Variants in RNF19B observed in about 807,000 individuals in gnomAD.
RNF19B encodes the protein ring finger protein 19B.
In RNF19B, 23 loss-of-function variants were observed where a neutral mutation model predicts 65.5. That is an observed-to-expected ratio of 0.35 (90% CI 0.25 to 0.50). RNF19B has a LOEUF of 0.50. Ranked by LOEUF, RNF19B falls within the 20% of genes least tolerant of loss-of-function variation. The pLI is 0.98. For missense variants in RNF19B, 794 were observed against 980.0 expected (o/e 0.81, Z 2.53); for synonymous variants, 372 against 379.6 (o/e 0.98, Z 0.23).
chr1:32,951,058 C>T (rs1187174011), intron 1 of RNF19B, among the ~76,000 whole-genome samples: 1 of 151,358 alleles, frequency 6.6e-6, no homozygotes, highest in Non-Finnish European at 1.5e-5. Context: ...AGGATGGTCT[C>T]GATCTCTTGA....
At chr1:32,949,508 G>C in intron 2 of RNF19B, 61 bp downstream of exon 2, 1 of 1,431,498 alleles carries the variant, frequency 7.0e-7, no homozygotes, top group Admixed American at 1.7e-5. Flanking sequence ...ATTTCTTTCA[G>C]CTATGGGCTC....
chr1:32,957,422 C>T (rs552436461), intron 1 of RNF19B, among the ~76,000 whole-genome samples: 1 of 152,206 alleles, frequency 6.6e-6, no homozygotes, highest in East Asian at 1.9e-4. Flanking sequence ...TTCTATCTAT[C>T]TATGTATCAA....
chr1:32,942,259 A>G lies in RNF19B; in HGVS notation c.1603T>C (p.Tyr535His). 2 of 1,605,172 alleles carry G rather than the reference A, an allele frequency of 1.2e-6. No individual in the cohort carries two copies. Among genetic ancestry groups the G allele is most frequent in the Non-Finnish European group, 1.7e-6 (2 of 1,172,674 alleles). Residue 535 changes from tyrosine to histidine, a missense_variant, in exon 7 of 9, where the codon TAT (tyrosine) becomes CAT (histidine). By Grantham distance (83) the Tyr-to-His change is moderately conservative. This residue lies in a region of RNF19B where 368 missense variants were observed against 447.3 expected (regional missense o/e 0.82). Transcript: ENST00000235150. ...GGILSSGKGK[Y>H]SRLEVQADVQ... ...AATTATCTATTTGTTTACCTGCTAT[A>G]TTTTCCCTTGCCACTGGAGAGAATG...
At chr1:32,951,162 A>T (rs1557575698) in intron 1 of RNF19B, among the ~76,000 whole-genome samples, 1 of 152,204 alleles carries the variant, frequency 6.6e-6, no homozygotes, top group Non-Finnish European at 1.5e-5. Context: ...CTTCAAGTAA[A>T]AATTGTTTTA....
intron 1 of RNF19B, among the ~76,000 whole-genome samples, chr1:32,957,359 T>C (rs1570119538): frequency 2.6e-5 from 4 of 152,344 alleles, no homozygotes; most frequent in Middle Eastern, 3.4e-3. Flanking sequence ...CTTTCATCTA[T>C]CTAAGAGCAC....
At chr1:32,932,655 T>C (rs520309), downstream of RNF19B, among the ~76,000 whole-genome samples, 50,231 of 152,012 alleles carry the variant, frequency 0.33, 8,468 homozygotes, top group Admixed American at 0.41. Flanking sequence ...AGTTTCAACC[T>C]TTTTGAAAGC....
intron 1 of RNF19B, among the ~76,000 whole-genome samples, chr1:32,956,044 A>G (rs1642631534): frequency 6.6e-6 from 1 of 152,190 alleles, no homozygotes; most frequent in Admixed American, 6.5e-5. Context: ...AGCCAGGGCA[A>G]CATGGTGAAA....
chr1:32,961,967 AGT>A (rs1311605203), intron 1 of RNF19B, among the ~76,000 whole-genome samples: 1 of 151,808 alleles, frequency 6.6e-6, no homozygotes, highest in East Asian at 1.9e-4. Flanking sequence ...TTAACTATGC[AGT>A]GTTTTGTTTT....
intron 3 of RNF19B, among the ~76,000 whole-genome samples, chr1:32,947,763 T>C (rs145966999): frequency 2.3e-4 from 35 of 152,136 alleles, no homozygotes; most frequent in Non-Finnish European, 3.7e-4. Context: ...ACTTACAGTT[T>C]AGTAAGATAA....
Position 32,937,153 on chromosome 1 carries a change from T to C in RNF19B, c.1849A>G (p.Met617Val). ...TEDSLHVHAQ[M>V]AENEEEGSGG... is the part of the protein sequence containing the mutation. Reference sequence around the variant, plus strand: ...CTACCTTCTTCTTCATTCTCTGCCATCTGAGCATGAACATGGAGCGAGTCC... The same window carrying C: ...CTACCTTCTTCTTCATTCTCTGCCACCTGAGCATGAACATGGAGCGAGTCC... Residue 617 changes from methionine to valine, a missense_variant, in exon 9 of 9, where the codon ATG becomes GTG. Around this residue, in one of 3 missense-constraint regions of RNF19B, gnomAD observed 368 missense variants for 447.3 expected, o/e 0.82. Coordinates refer to ENST00000235150, the MANE Select transcript of RNF19B (RefSeq NM_001300826.2). The C allele has an allele frequency of 6.2e-7, 1 of 1,614,190 alleles. No homozygotes were observed. Among genetic ancestry groups the C allele is most frequent in the East Asian group, 2.2e-5 (1 of 44,890 alleles).
At chr1:32,949,104 CA>C (rs1180235811) in intron 2 of RNF19B, among the ~76,000 whole-genome samples, 2 of 152,218 alleles carry the variant, frequency 1.3e-5, no homozygotes, top group African/African-American at 4.8e-5. Flanking sequence ...GAATGTGTGA[CA>C]TTCCTCCTTT....
chr1:32,942,723 A>G (rs1030963165), intron 6 of RNF19B, among the ~76,000 whole-genome samples: 2 of 152,352 alleles, frequency 1.3e-5, no homozygotes, highest in African/African-American at 4.8e-5. Flanking sequence ...ACATGAAACT[A>G]TAACTCTGAT....
chr1:32,929,743 C>T, the RNF19B span, among the ~76,000 whole-genome samples: 1 of 152,220 alleles, frequency 6.6e-6, no homozygotes, highest in Non-Finnish European at 1.5e-5. Flanking sequence ...AAACAGGCCT[C>T]TATTTGCCAG....
chr1:32,943,149 A>G (rs1286906362), intron 6 of RNF19B, among the ~76,000 whole-genome samples: 2 of 151,982 alleles, frequency 1.3e-5, no homozygotes, highest in African/African-American at 2.4e-5. Context: ...TCAAAAAAAA[A>G]AAAAGAAAAG....
rs1199360181 is a variant in RNF19B, at chr1:32,942,533, A to G, written c.1403-74T>C. The stretch of plus-strand genomic sequence containing the variant: ...AGTCAGTAGGCATTTTCCTGCAATG[A>G]CTTTTCAGAGAACTAATGTATTTAC... On this transcript the variant is annotated intron_variant, in intron 6 of 8. Coordinates refer to ENST00000235150, the MANE Select transcript of RNF19B (RefSeq NM_001300826.2). 9.3e-6 allele frequency: 12 copies of G among 1,294,012 alleles called. No individual in the cohort carries two copies. In the East Asian group the frequency reaches 2.8e-4, roughly 31 times the overall value. The allele number at this position is 1,294,012 out of a possible 1,614,324, so 80.2% of individuals were successfully genotyped here. A position where few individuals can be genotyped will look rare whatever the true frequency, so the allele number is the denominator to read the frequency against.
chr1:32,948,623 G>T (rs1197375174), intron 2 of RNF19B, among the ~76,000 whole-genome samples: 1 of 152,104 alleles, frequency 6.6e-6, no homozygotes, highest in Non-Finnish European at 1.5e-5. Context: ...CCACATTCTA[G>T]CAAGGAGATT....
Position 32,943,127 on chromosome 1 carries a change from C to A in RNF19B, c.1403-668G>T, listed in dbSNP as rs1471748133. Among the ~76,000 whole-genome samples, 7 of 142,938 alleles carry A rather than the reference C, an allele frequency of 4.9e-5. 1 individual carries two copies. The East Asian group carries it at 1.4e-3, about 29-fold the overall frequency. 93.8% of individuals were successfully genotyped at this position (142,938 alleles called of 152,430 possible). A position where few individuals can be genotyped will look rare whatever the true frequency, so the allele number is the denominator to read the frequency against. On this transcript the variant is annotated intron_variant, in intron 6 of 8. Coordinates refer to ENST00000235150, the MANE Select transcript of RNF19B (RefSeq NM_001300826.2). ...CTGCACTCCAGCCTGGGCAACAGAG[C>A]AAGACTCCGTCTCAAAAAAAAAAAA...
At position 32,937,262 on chromosome 1, in the gene RNF19B, G is replaced by A. The variant is rs761799171; in HGVS notation, c.1743-3C>T. 3 of 1,613,550 alleles carry A rather than the reference G, an allele frequency of 1.9e-6. No individual in the cohort carries two copies. The African/African-American group carries it at 4.0e-5, about 22-fold the overall frequency. On this transcript the variant is annotated splice_polypyrimidine_tract_variant and splice_region_variant and intron_variant, in intron 8 of 8. Transcript: ENST00000235150. ...GGATTTCCATATTGTTGCATTCTCT[G>A]TGGAGACAAAATCCACTTTGCTGAG...
chr1:32,942,513 G>T, intron 6 of RNF19B, 54 bp from the exon 7 acceptor site: 1 of 1,490,392 alleles, frequency 6.7e-7, no homozygotes, highest in Admixed American at 1.8e-5. Context: ...AAAACAGTCA[G>T]TAGGCATTTT....
Sources: allele counts gnomAD v4.1 joint callset (sites outside exome capture counted in the v4.1 genomes callset), GRCh38; gene constraint gnomAD v4.1.1; regional missense constraint gnomAD v4.1.1; transcripts MANE v1.5; gene names NCBI Gene and HGNC (gene_info 2026-07-23, HGNC 2026-07-21).